Variants in HIBADH observed in about 807,000 individuals in gnomAD.
HIBADH encodes 3-hydroxyisobutyrate dehydrogenase.
HIBADH carries 25 observed loss-of-function variants against 36.1 expected under a neutral mutation model. That is an observed-to-expected ratio of 0.69 (90% CI 0.50 to 0.97). HIBADH has a LOEUF of 0.97. HIBADH is among the 50% of genes least tolerant of loss of function. The pLI, the probability that HIBADH is intolerant of heterozygous loss-of-function variation, is 0.00. For synonymous variants in HIBADH, 160 were observed against 149.5 expected (o/e 1.07, Z -0.51); for missense variants, 421 against 418.0 (o/e 1.01, Z -0.06).
chr7:27,645,381 T>TTTTTGTTTGTTTTGTTTTTG (rs1786048107), intron 2 of HIBADH, among the ~76,000 whole-genome samples: 8 of 129,394 alleles, frequency 6.2e-5, no homozygotes, highest in African/African-American at 1.8e-4. Flanking sequence ...TTTTTTTTTT[T>TTTTTGTTTGTTTTGTTTTTG]TTTTTTTTTT....
chr7:27,628,936 TCTG>T, intron 4 of HIBADH, among the ~76,000 whole-genome samples: 1 of 152,234 alleles, frequency 6.6e-6, no homozygotes, highest in South Asian at 2.1e-4. Flanking sequence ...ATTTAGATGA[TCTG>T]CTCCTTGAAA....
At chr7:27,542,933 C>A (rs750072729) in intron 5 of HIBADH, 34 bp downstream of exon 5, 1 of 1,595,870 alleles carries the variant, frequency 6.3e-7, no homozygotes. Context: ...AATTTTACAT[C>A]ATCAAGTCAA....
chr7:27,611,496 G>A (rs539964837), intron 4 of HIBADH, among the ~76,000 whole-genome samples: 37 of 125,076 alleles, frequency 3.0e-4, no homozygotes, highest in South Asian at 2.3e-3. Context: ...GCGTGTGTGC[G>A]CGCACACACA....
In HIBADH at chr7:27,526,326, A is replaced by AT; in HGVS notation, c.898dup (p.Ile300AsnfsTer64). ...CTGATGGGCCAGACTGCCAAGAAGG[A>AT]TTGGGCTCTTTGTGCTGGTAGCAGA... On this transcript the variant is annotated frameshift_variant, in exon 8 of 8. Coordinates refer to ENST00000265395, the MANE Select transcript of HIBADH (RefSeq NM_152740.4). LOFTEE classifies it high-confidence loss of function. 6.2e-7 allele frequency: 1 copy of AT among 1,613,332 alleles called. No homozygotes were observed. Among genetic ancestry groups the AT allele is most frequent in the Non-Finnish European group, 8.5e-7 (1 of 1,179,712 alleles).
intron 4 of HIBADH, among the ~76,000 whole-genome samples, chr7:27,574,680 C>A (rs1477092046): frequency 6.6e-6 from 1 of 152,124 alleles, no homozygotes; most frequent in African/African-American, 2.4e-5. Flanking sequence ...TGTACTCAGC[C>A]ACTGGAACTA....
intron 4 of HIBADH, among the ~76,000 whole-genome samples, chr7:27,625,974 C>T (rs112934220): frequency 0.078 from 11,789 of 151,696 alleles, 709 homozygotes; most frequent in African/African-American, 0.17. Context: ...TGGTGGCAGG[C>T]GCCTGTAATC....
chr7:27,603,572 A>T (rs975006172), intron 4 of HIBADH, among the ~76,000 whole-genome samples: 7 of 152,138 alleles, frequency 4.6e-5, no homozygotes, highest in Non-Finnish European at 5.9e-5. Flanking sequence ...AAATACTATA[A>T]AGCCAAAATG....
At chr7:27,558,262 TCTC>T (rs1394883666) in intron 4 of HIBADH, among the ~76,000 whole-genome samples, 2 of 152,218 alleles carry the variant, frequency 1.3e-5, no homozygotes, top group African/African-American at 2.4e-5. Context: ...TTGTCACATT[TCTC>T]TTCTTATTTA....
intron 4 of HIBADH, among the ~76,000 whole-genome samples, chr7:27,574,286 G>GAGAT (rs1295567800): frequency 2.5e-5 from 3 of 120,946 alleles, no homozygotes; most frequent in East Asian, 2.8e-4. Context: ...AGGGGAGGAA[G>GAGAT]AGATAGCAGG....
chr7:27,657,757 T>G (rs914465709), intron 1 of HIBADH, among the ~76,000 whole-genome samples: 4 of 152,130 alleles, frequency 2.6e-5, no homozygotes, highest in Non-Finnish European at 5.9e-5. Flanking sequence ...TTTCTCTGAG[T>G]TGGGAAGGCC....
At chr7:27,631,985 A>T (rs1785754298) in intron 3 of HIBADH, among the ~76,000 whole-genome samples, 1 of 152,126 alleles carries the variant, frequency 6.6e-6, no homozygotes, top group African/African-American at 2.4e-5. Context: ...TTTTCATAAA[A>T]CCCTTTTCCT....
intron 2 of HIBADH, among the ~76,000 whole-genome samples, chr7:27,641,107 G>T (rs1785952321): frequency 6.6e-6 from 1 of 152,152 alleles, no homozygotes; most frequent in African/African-American, 2.4e-5. Flanking sequence ...GAAAAGAAAA[G>T]AATCTGGCTG....
intron 2 of HIBADH, among the ~76,000 whole-genome samples, chr7:27,641,836 T>G (rs557926614): frequency 1.7e-4 from 26 of 151,780 alleles, no homozygotes; most frequent in South Asian, 4.1e-4. Flanking sequence ...CCTTTCTCAC[T>G]TCATTCATCT....
At chr7:27,661,309 T>C (rs950058489) in intron 1 of HIBADH, among the ~76,000 whole-genome samples, 1 of 152,138 alleles carries the variant, frequency 6.6e-6, no homozygotes, top group Non-Finnish European at 1.5e-5. Context: ...AGAAAGTTCT[T>C]ACAATTCCTG....
intron 4 of HIBADH, among the ~76,000 whole-genome samples, chr7:27,609,688 CTTATT>C (rs1157899200): frequency 5.9e-5 from 9 of 151,914 alleles, no homozygotes; most frequent in African/African-American, 1.5e-4. Context: ...CAAGGAAAGT[CTTATT>C]TTATTTAATT....
At chr7:27,577,996 G>A (rs993439187) in intron 4 of HIBADH, among the ~76,000 whole-genome samples, 2 of 152,022 alleles carry the variant, frequency 1.3e-5, no homozygotes, top group Non-Finnish European at 2.9e-5. Flanking sequence ...TCTAAACACT[G>A]CTGACCTCAA....
chr7:27,613,168 T>C (rs1475990898), intron 4 of HIBADH, among the ~76,000 whole-genome samples: 8 of 8,880 alleles, frequency 9.0e-4, no homozygotes, highest in African/African-American at 2.3e-3. Context: ...TATATATATT[T>C]ATATAAATAT....
In HIBADH at chr7:27,654,372, T is replaced by C. The variant is rs560165295; in HGVS notation, c.92-4739A>G. ...AAGTTGATGAAAACTACAAACCCCA[T>C]GCATCCAAGGAACTCTATGAACCCC... On this transcript the variant is annotated intron_variant, in intron 1 of 7. Coordinates refer to ENST00000265395, the MANE Select transcript of HIBADH (RefSeq NM_152740.4). Among the ~76,000 whole-genome samples, 11 of 152,082 alleles carry C rather than the reference T, an allele frequency of 7.2e-5. No homozygotes were observed. In the East Asian group the frequency reaches 2.1e-3, roughly 29 times the overall value.
At chr7:27,579,934 T>C (rs766187061) in intron 4 of HIBADH, among the ~76,000 whole-genome samples, 13 of 152,206 alleles carry the variant, frequency 8.5e-5, no homozygotes, top group Non-Finnish European at 1.5e-4. Flanking sequence ...TACTAAGTTA[T>C]AGCCCAAGAA....
Sources: gnomAD v4.1 joint callset for allele counts (sites outside exome capture counted in the v4.1 genomes callset) on GRCh38, gnomAD v4.1.1 for gene constraint, MANE v1.5 for transcripts, NCBI Gene and HGNC (gene_info 2026-07-23, HGNC 2026-07-21) for gene names.